Variants in TGFB2 observed in about 807,000 individuals in gnomAD.
The protein encoded by TGFB2 is transforming growth factor beta-2 proprotein.
TGFB2 carries 13 observed loss-of-function variants against 42.7 expected under a neutral mutation model. The ratio of observed to expected loss-of-function variants is 0.30; its 90% CI spans 0.20 to 0.48. The LOEUF (loss-of-function observed/expected upper bound fraction) is 0.48. Among genes scored for constraint, TGFB2 ranks in the 20% least tolerant of loss-of-function variants. The probability of loss-of-function intolerance (pLI) is 0.99; values close to 1 mark genes in which losing one functional copy is unlikely to be tolerated. For synonymous variants in TGFB2, 193 were observed against 193.6 expected, an observed-to-expected ratio of 1.00 and a Z score of 0.03; for missense variants, 390 against 517.5, an observed-to-expected ratio of 0.75 and a Z score of 2.39.
chr1:218,373,921 AG>A (rs1657656529), intron 1 of TGFB2, among the ~76,000 whole-genome samples: 1 of 152,210 alleles, frequency 6.6e-6, no homozygotes, highest in South Asian at 2.1e-4. Context: ...GTAGAACCCA[AG>A]GGCTTGCATA....
chr1:218,416,797 G>A (rs916404121), intron 2 of TGFB2, among the ~76,000 whole-genome samples: 1 of 152,112 alleles, frequency 6.6e-6, no homozygotes, highest in Non-Finnish European at 1.5e-5. Flanking sequence ...TTGAATCATG[G>A]GAGCAAGTCT....
chr1:218,361,713 G>C (rs1396990672), intron 1 of TGFB2, among the ~76,000 whole-genome samples: 1 of 152,210 alleles, frequency 6.6e-6, no homozygotes, highest in African/African-American at 2.4e-5. Flanking sequence ...AGATACGAAT[G>C]AGAAAACTTT....
chr1:218,424,237 A>G (rs1333578052), intron 2 of TGFB2, among the ~76,000 whole-genome samples: 1 of 152,270 alleles, frequency 6.6e-6, no homozygotes, highest in Non-Finnish European at 1.5e-5. Flanking sequence ...TATCACCAAC[A>G]TGATGAAGAC....
At chr1:218,357,661 G>T (rs1657082549) in intron 1 of TGFB2, among the ~76,000 whole-genome samples, 2 of 152,212 alleles carry the variant, frequency 1.3e-5, no homozygotes. Flanking sequence ...AATGGAAAAT[G>T]CTTCCTGGAT....
In TGFB2 at chr1:218,346,584, C is replaced by CAA; in HGVS notation, c.-114_-113dup. ...TAGATTGTTTGCAAAAGTTTCGCAT[C>CAA]AAAAACAACAACAACAAAAAACCAA... On this transcript the variant is annotated 5_prime_UTR_variant, in exon 1 of 7. Transcript: ENST00000366930. This position sits in a 1 kb window ranked among gnomAD's most constrained non-coding sequence, Gnocchi z 4.9. 1.3e-6 allele frequency: 1 copy of CAA among 744,518 alleles called. No homozygotes were observed. Among genetic ancestry groups the CAA allele is most frequent in the Non-Finnish European group, 2.0e-6 (1 of 510,768 alleles). The allele number at this position is 744,518 out of a possible 1,614,324, so 46.1% of individuals were successfully genotyped here.
rs896258973 is a variant in TGFB2, at chr1:218,443,194, AG to A, written c.*1833del. 1.3e-5 allele frequency: 2 copies of A among 152,250 alleles called. No homozygotes were observed. The highest frequency in any genetic ancestry group is 1.3e-4 in the Admixed American group (2 of 15,286). The allele number at this position is 152,250 out of a possible 1,614,324, so 9.4% of individuals were successfully genotyped here. ...GAGAGTTATCTATATCTGAGGCTAA[AG>A]TTTACCTTGCTTTAATAAATAATTT... On this transcript the variant is annotated 3_prime_UTR_variant, in exon 7 of 7. Transcript: ENST00000366930.
At chr1:218,410,111 A>T (rs1044907797) in intron 2 of TGFB2, among the ~76,000 whole-genome samples, 2 of 152,226 alleles carry the variant, frequency 1.3e-5, no homozygotes, top group African/African-American at 2.4e-5. Context: ...TCTCCTGGTG[A>T]CTCACATGTG....
At chr1:218,400,759 G>A (rs1267569225) in intron 1 of TGFB2, among the ~76,000 whole-genome samples, 1 of 152,214 alleles carries the variant, frequency 6.6e-6, no homozygotes, top group Non-Finnish European at 1.5e-5. Context: ...GGTGGGGACA[G>A]CTGCCACCAG....
intron 1 of TGFB2, among the ~76,000 whole-genome samples, chr1:218,378,823 A>G (rs1415012072): frequency 6.6e-6 from 1 of 151,532 alleles, no homozygotes; most frequent in Non-Finnish European, 1.5e-5. Flanking sequence ...ATGCATTGTG[A>G]GTGCACACCA....
intron 2 of TGFB2, among the ~76,000 whole-genome samples, chr1:218,425,248 C>T (rs1290055818): frequency 3.3e-5 from 5 of 152,136 alleles, no homozygotes; most frequent in African/African-American, 7.2e-5. Context: ...TGCTCCATCA[C>T]GGAGGCTGGA....
Position 218,348,415 on chromosome 1 carries a change from T to C in TGFB2, c.346+1368T>C, listed in dbSNP as rs1656764328. On this transcript the variant is annotated intron_variant, in intron 1 of 6. Transcript: ENST00000366930. ...TTTTTAGTTTGACAAGTCCTAGCTA[T>C]GTGACCTGCCATGTCTTGTACTTGA... 2.6e-5 allele frequency among the ~76,000 whole-genome samples: 4 copies of C among 152,360 alleles called. No homozygotes were observed. The South Asian group carries it at 8.3e-4, about 32-fold the overall frequency.
chr1:218,393,281 C>T (rs1318236354), intron 1 of TGFB2, among the ~76,000 whole-genome samples: 1 of 152,120 alleles, frequency 6.6e-6, no homozygotes, highest in Non-Finnish European at 1.5e-5. Flanking sequence ...CAAGGATGTC[C>T]AGGGCTGTGT....
chr1:218,408,642 G>A (rs891126294), intron 2 of TGFB2, among the ~76,000 whole-genome samples: 1 of 152,108 alleles, frequency 6.6e-6, no homozygotes, highest in Admixed American at 6.5e-5. Context: ...CACTTTTGAT[G>A]GATCAGAAAG....
At chr1:218,366,152 A>G (rs1032190277) in intron 1 of TGFB2, among the ~76,000 whole-genome samples, 1 of 152,232 alleles carries the variant, frequency 6.6e-6, no homozygotes, top group Non-Finnish European at 1.5e-5. Context: ...CTATTAAGAC[A>G]TAAGAATCCA....
rs550732575 is a variant in TGFB2 at position 218,410,830 on chromosome 1, T to C, written c.510+5498T>C. Among the ~76,000 whole-genome samples, 21 of 152,322 alleles carry C rather than the reference T, an allele frequency of 1.4e-4. No individual in the cohort carries two copies. The South Asian group carries it at 4.1e-3, about 30-fold the overall frequency. Reference sequence around the variant, plus strand: ...TTTCTTTGATTAAGTTTCCCCTGTATGTATGATTAAAATCATGACCAGAAG... The same window carrying C: ...TTTCTTTGATTAAGTTTCCCCTGTACGTATGATTAAAATCATGACCAGAAG... On this transcript the variant is annotated intron_variant, in intron 2 of 6. Coordinates refer to ENST00000366930, the MANE Select transcript of TGFB2 (RefSeq NM_003238.6).
At chr1:218,438,891 G>A (rs960018095) in intron 6 of TGFB2, among the ~76,000 whole-genome samples, 1 of 152,044 alleles carries the variant, frequency 6.6e-6, no homozygotes, top group Non-Finnish European at 1.5e-5. Flanking sequence ...GGTGGATCAC[G>A]AGGTCAGGAG....
intron 1 of TGFB2, among the ~76,000 whole-genome samples, chr1:218,396,463 TG>T (rs1356612744): frequency 2.0e-5 from 3 of 152,124 alleles, no homozygotes; most frequent in Non-Finnish European, 4.4e-5. Flanking sequence ...CTGCGCCTTG[TG>T]AGTACACAGG....
At chr1:218,429,061 A>G (rs1032436822) in intron 2 of TGFB2, among the ~76,000 whole-genome samples, 16 of 147,368 alleles carry the variant, frequency 1.1e-4, no homozygotes, top group Admixed American at 8.4e-4. Context: ...GCTCACTGCA[A>G]CCTCCGCCTC....
chr1:218,440,921 C>T (rs963559593), intron 6 of TGFB2, among the ~76,000 whole-genome samples: 16 of 149,274 alleles, frequency 1.1e-4, no homozygotes, highest in African/African-American at 3.8e-4. Flanking sequence ...CTGGAAAAAC[C>T]GGGAAAATCT....
Sources: gnomAD v4.1 joint callset for allele counts (sites outside exome capture counted in the v4.1 genomes callset) on GRCh38, gnomAD v4.1.1 for gene constraint, Gnocchi (gnomAD v3.1) non-coding constraint, MANE v1.5 for transcripts, NCBI Gene and HGNC (gene_info 2026-07-23, HGNC 2026-07-21) for gene names.